Variants in NDUFA9 observed in about 807,000 individuals in gnomAD.
NDUFA9 encodes NADH:ubiquinone oxidoreductase subunit A9.
A neutral mutation model predicts 45.9 loss-of-function variants in NDUFA9; 23 were observed. That is an observed-to-expected ratio of 0.50 (90% confidence interval 0.36 to 0.71). The LOEUF is 0.71. Among genes scored for constraint, NDUFA9 ranks in the 30% least tolerant of loss-of-function variants. The pLI, the probability that NDUFA9 is intolerant of heterozygous loss-of-function variation, is 0.00. For missense variants in NDUFA9, 466 were observed against 488.2 expected (o/e 0.95, Z 0.43); for synonymous variants, 176 against 170.5 (o/e 1.03, Z -0.25).
intron 6 of NDUFA9, among the ~76,000 whole-genome samples, chr12:4,663,580 GCT>G (rs1196890551): frequency 3.3e-5 from 5 of 152,194 alleles, no homozygotes; most frequent in African/African-American, 1.2e-4. Flanking sequence ...CAAGAAATCT[GCT>G]GTCTACAAGC....
rs2267548 is a variant in NDUFA9 at position 4,662,290 on chromosome 12, G to A, written c.553-243G>A. On this transcript the variant is annotated intron_variant, in intron 5 of 10. Transcript: ENST00000266544. ...ACTTTGATTTTTCTCCTTCTTCAAT[G>A]TAAGCTTCCCTTAAAATAAAAAAAT... 0.2 allele frequency among the ~76,000 whole-genome samples: 31,173 copies of A among 152,168 alleles called. 3,816 individuals are homozygous for A. The highest frequency in any genetic ancestry group is 0.37 in the Middle Eastern group (109 of 294).
At chr12:4,652,385 A>G (rs1483512332) in intron 1 of NDUFA9, among the ~76,000 whole-genome samples, 1 of 152,150 alleles carries the variant, frequency 6.6e-6, no homozygotes, top group Non-Finnish European at 1.5e-5. Context: ...CCTTTTTCAG[A>G]AGGATTGTGT....
chr12:4,674,220 A>C (rs1436964338), intron 8 of NDUFA9, among the ~76,000 whole-genome samples: 2 of 152,178 alleles, frequency 1.3e-5, no homozygotes, highest in Non-Finnish European at 2.9e-5. Context: ...AAACATACCA[A>C]ATTCTTAAGA....
Position 4,668,457 on chromosome 12 carries a change from G to A in NDUFA9, c.656G>A (p.Ser219Asn). The stretch of plus-strand genomic sequence containing the variant: ...TAGTTCTCATTCTTTCTTCCGCTAG[G>A]TATGCATCGGTTTGGTCCTATACCC... ...REDRFLNSFA[S>N]MHRFGPIPLG... The change falls in exon 7 of 11, where the codon AGT becomes AAT. Residue 219 changes from serine to asparagine, a missense_variant and splice_region_variant. Ser to Asn is a conservative substitution (Grantham distance 46). Coordinates refer to ENST00000266544, the MANE Select transcript of NDUFA9 (RefSeq NM_005002.5). The A allele has an allele frequency of 6.2e-7, 1 of 1,612,698 alleles. No individual in the cohort carries two copies. Among genetic ancestry groups the A allele is most frequent in the Non-Finnish European group, 8.5e-7 (1 of 1,178,726 alleles).
chr12:4,650,743 G>A (rs1157563532), intron 1 of NDUFA9, among the ~76,000 whole-genome samples: 1 of 152,210 alleles, frequency 6.6e-6, no homozygotes, highest in Non-Finnish European at 1.5e-5. Context: ...GTGGAGAATT[G>A]TAGTGCTCCC....
chr12:4,670,138 T>C (rs1945877444), intron 8 of NDUFA9, among the ~76,000 whole-genome samples: 1 of 152,174 alleles, frequency 6.6e-6, no homozygotes. Context: ...CAAAACACTT[T>C]TAGGGAGTAA....
At position 4,682,242 on chromosome 12, in the gene NDUFA9, A is replaced by C. The variant is rs771187043; in HGVS notation, c.838A>C (p.Ile280Leu). The change falls in exon 9 of 11, where the codon ATC (isoleucine) becomes CTC (leucine). Residue 280 changes from isoleucine to leucine, a missense_variant. Ile to Leu is a conservative substitution (Grantham distance 5). Coordinates refer to ENST00000266544, the MANE Select transcript of NDUFA9 (RefSeq NM_005002.5). Reference sequence around the variant, plus strand: ...CCTCCTTTTCCACCTGGTGAAGTACATCTTTGCTGTGGCTCACAGATTGTT... The same window carrying C: ...CCTCCTTTTCCACCTGGTGAAGTACCTCTTTGCTGTGGCTCACAGATTGTT... The part of the protein sequence containing the change: ...RYLLFHLVKY[I>L]FAVAHRLFLP... The C allele has an allele frequency of 1.2e-6, 2 of 1,613,380 alleles. No individual in the cohort carries two copies. The highest frequency in any genetic ancestry group is 1.7e-6 in the Non-Finnish European group (2 of 1,179,670).
At chr12:4,675,865 T>A (rs546620028) in intron 8 of NDUFA9, among the ~76,000 whole-genome samples, 1 of 152,150 alleles carries the variant, frequency 6.6e-6, no homozygotes, top group African/African-American at 2.4e-5. Context: ...AAAAAGAAAA[T>A]TTCAGGCCAA....
At chr12:4,653,911 T>G (rs1945774038) in intron 1 of NDUFA9, among the ~76,000 whole-genome samples, 1 of 152,124 alleles carries the variant, frequency 6.6e-6, no homozygotes, top group South Asian at 2.1e-4. Flanking sequence ...TTTCCTCTTT[T>G]AAGACCTTTC....
At chr12:4,686,256 C>T (rs1202164629) in intron 10 of NDUFA9, among the ~76,000 whole-genome samples, 1 of 152,154 alleles carries the variant, frequency 6.6e-6, no homozygotes, top group Non-Finnish European at 1.5e-5. Flanking sequence ...TGCTGCTGCT[C>T]TAGGTGCAAA....
chr12:4,686,898 C>T, intron 10 of NDUFA9, 40 bp from the exon 11 acceptor site: 5 of 1,593,180 alleles, frequency 3.1e-6, no homozygotes, highest in Non-Finnish European at 4.3e-6. Flanking sequence ...TGTTCTCAGC[C>T]AGTTTTCAGC....
intron 1 of NDUFA9, among the ~76,000 whole-genome samples, chr12:4,651,606 C>T (rs1565563870): frequency 6.6e-6 from 1 of 152,098 alleles, no homozygotes; most frequent in African/African-American, 2.4e-5. Flanking sequence ...GCTTAATGTG[C>T]TCTAGGTAAT....
chr12:4,649,961 T>G (rs1945747124), intron 1 of NDUFA9, among the ~76,000 whole-genome samples: 1 of 152,244 alleles, frequency 6.6e-6, no homozygotes, highest in African/African-American at 2.4e-5. Context: ...TTCATCATTG[T>G]CCTTTCACCC....
intron 1 of NDUFA9, among the ~76,000 whole-genome samples, chr12:4,650,272 C>G (rs1269049855): frequency 6.6e-6 from 1 of 151,824 alleles, no homozygotes; most frequent in Non-Finnish European, 1.5e-5. Flanking sequence ...TTGGGTAGAA[C>G]TCCTGCATAC....
At chr12:4,666,934 A>G (rs925579751) in intron 6 of NDUFA9, among the ~76,000 whole-genome samples, 2 of 152,208 alleles carry the variant, frequency 1.3e-5, no homozygotes, top group African/African-American at 2.4e-5. Context: ...TGGGATTTTG[A>G]TAGGGATTGC....
chr12:4,668,423 T>C, intron 6 of NDUFA9, 34 bp from the exon 7 acceptor site: 1 of 1,553,532 alleles, frequency 6.4e-7, no homozygotes, highest in South Asian at 1.1e-5. Context: ...AATTTAAGCC[T>C]TCTCAGTATA....
intron 6 of NDUFA9, 106 bp downstream of exon 6, chr12:4,662,741 T>G: frequency 1.2e-6 from 1 of 852,202 alleles, no homozygotes; most frequent in Non-Finnish European, 1.8e-6. Context: ...ATATATTTTT[T>G]CTTTCCCAGT....
chr12:4,680,072 T>A (rs922233914), intron 8 of NDUFA9, among the ~76,000 whole-genome samples: 1 of 152,148 alleles, frequency 6.6e-6, no homozygotes, highest in Non-Finnish European at 1.5e-5. Flanking sequence ...TATCTTTTCT[T>A]GTTGGAATGT....
chr12:4,673,127 G>C (rs949166364), intron 8 of NDUFA9, among the ~76,000 whole-genome samples: 1 of 152,142 alleles, frequency 6.6e-6, no homozygotes, highest in African/African-American at 2.4e-5. Flanking sequence ...TGCAGCAGAG[G>C]GGCCTGTTAG....
Sources: allele counts gnomAD v4.1 joint callset (sites outside exome capture counted in the v4.1 genomes callset), GRCh38; gene constraint gnomAD v4.1.1; transcripts MANE v1.5; gene names NCBI Gene and HGNC (gene_info 2026-07-23, HGNC 2026-07-21).